Variants in ATAD2 observed in about 807,000 individuals in gnomAD.
ATAD2 encodes ATPase family AAA domain-containing protein 2.
A neutral mutation model predicts 168.9 loss-of-function variants in ATAD2; 62 were observed. The observed-to-expected ratio is 0.37, with a 90% confidence interval of 0.30 to 0.45. ATAD2 has a LOEUF of 0.45. Ranked by LOEUF, ATAD2 falls within the 20% of genes least tolerant of loss-of-function variation. The pLI is 1.00. For missense variants in ATAD2, 1,419 were observed against 1,667.8 expected, an observed-to-expected ratio of 0.85 and a Z score of 2.60; for synonymous variants, 613 against 571.6, an observed-to-expected ratio of 1.07 and a Z score of -1.03.
At chr8:123,386,148 T>C (rs2129901599) in intron 1 of ATAD2, among the ~76,000 whole-genome samples, 1 of 152,290 alleles carries the variant, frequency 6.6e-6, no homozygotes. Flanking sequence ...ACAAAATTTC[T>C]ATATGATCCA....
intron 1 of ATAD2, among the ~76,000 whole-genome samples, chr8:123,392,530 G>GT (rs1444921050): frequency 6.6e-6 from 1 of 151,736 alleles, no homozygotes; most frequent in Non-Finnish European, 1.5e-5. Context: ...TCATAAGGTT[G>GT]TAAGGACTGA....
chr8:123,358,895 G>A (rs1828727118), intron 11 of ATAD2, among the ~76,000 whole-genome samples: 1 of 151,050 alleles, frequency 6.6e-6, no homozygotes, highest in African/African-American at 2.4e-5. Flanking sequence ...GTAGAGACGG[G>A]GTTTCACCAC....
At chr8:123,355,453 A>G (rs1828611415) in intron 13 of ATAD2, among the ~76,000 whole-genome samples, 1 of 152,202 alleles carries the variant, frequency 6.6e-6, no homozygotes, top group African/African-American at 2.4e-5. Flanking sequence ...ATTTAGATTC[A>G]GGTTGGGACA....
At chr8:123,322,609 CAGTG>C (rs1318551710) in intron 27 of ATAD2, among the ~76,000 whole-genome samples, 1 of 152,150 alleles carries the variant, frequency 6.6e-6, no homozygotes, top group Non-Finnish European at 1.5e-5. Context: ...GTGGAGGCTG[CAGTG>C]AGTGAGTTGA....
chr8:123,337,453 C>T (rs995632513), intron 21 of ATAD2, among the ~76,000 whole-genome samples, 172 bp downstream of exon 21: 4 of 152,160 alleles, frequency 2.6e-5, no homozygotes, highest in South Asian at 2.1e-4. Context: ...AAGGAAAATG[C>T]GTTACCCTGC....
intron 20 of ATAD2, among the ~76,000 whole-genome samples, chr8:123,338,152 C>G (rs1047004186): frequency 6.6e-6 from 1 of 152,020 alleles, no homozygotes; most frequent in Admixed American, 6.6e-5. Context: ...GTCAGGAGAT[C>G]GAGACCACCC....
intron 22 of ATAD2, among the ~76,000 whole-genome samples, chr8:123,335,836 G>C (rs1827899325): frequency 6.6e-6 from 1 of 152,080 alleles, no homozygotes; most frequent in African/African-American, 2.4e-5. Flanking sequence ...ATAGGTGAAA[G>C]CAGAAGGGGT....
In ATAD2 at chr8:123,344,995, A is replaced by C. The variant is rs771373958; in HGVS notation, c.2607T>G (p.Val869=). The change falls in exon 19 of 28, where the codon GTT becomes GTG. Residue 869 remains valine (V), a synonymous_variant. Transcript: ENST00000287394. ...VPHIHVWWEI[V]GPTLKATFTT... Reference sequence around the variant, plus strand: ...TAAATGTGGCTTTAAGTGTCGGTCCAACTATTTCCCACCACACGTGGATAT... The same window carrying C: ...TAAATGTGGCTTTAAGTGTCGGTCCCACTATTTCCCACCACACGTGGATAT... 8.7e-6 allele frequency: 14 copies of C among 1,614,064 alleles called. No individual in the cohort carries two copies. The highest frequency in any genetic ancestry group is 2.2e-5 in the South Asian group (2 of 91,080).
At chr8:123,380,739 T>C in intron 1 of ATAD2, 62 bp from the exon 2 acceptor site, 1 of 1,534,866 alleles carries the variant, frequency 6.5e-7, no homozygotes, top group Non-Finnish European at 8.9e-7. Flanking sequence ...TTTAAATTCC[T>C]CCAAAGAGTA....
At chr8:123,369,547 C>A (rs1829077807) in intron 7 of ATAD2, among the ~76,000 whole-genome samples, 1 of 152,004 alleles carries the variant, frequency 6.6e-6, no homozygotes, top group Non-Finnish European at 1.5e-5. Context: ...TACAAACTGA[C>A]AAAATAAATT....
intron 11 of ATAD2, among the ~76,000 whole-genome samples, chr8:123,358,389 G>A (rs1184115762): frequency 1.3e-5 from 2 of 151,996 alleles, no homozygotes; most frequent in African/African-American, 4.8e-5. Flanking sequence ...GTGTCGCCCA[G>A]GCTGGACTGC....
chr8:123,337,719 A>G lies in ATAD2; in HGVS notation c.2957T>C (p.Phe986Ser). 1 of 1,613,830 alleles carries G rather than the reference A, an allele frequency of 6.2e-7. No individual in the cohort carries two copies. Among genetic ancestry groups the G allele is most frequent in the Non-Finnish European group, 8.5e-7 (1 of 1,179,904 alleles). The change falls in exon 21 of 28, where the codon TTT (phenylalanine) becomes TCT (serine). Residue 986 changes from phenylalanine (F) to serine (S), a missense_variant. This residue lies in a region of ATAD2 where 545 missense variants were observed against 724.9 expected (regional missense o/e 0.75). Transcript: ENST00000287394. Reference protein sequence around the residue: ...KRLEEQEEDTFRELRIFLRNV... With the variant: ...KRLEEQEEDTSRELRIFLRNV... Reference sequence around the variant, plus strand: ...TCTTAAGAAAATCCTCAGTTCTCTAAATGTATCTTCTTCTTGTTCTTCTAG... The same window carrying G: ...TCTTAAGAAAATCCTCAGTTCTCTAGATGTATCTTCTTCTTGTTCTTCTAG...
intron 25 of ATAD2, 84 bp from the exon 26 acceptor site, chr8:123,326,110 CAG>C: frequency 7.0e-7 from 1 of 1,430,490 alleles, no homozygotes; most frequent in Non-Finnish European, 9.5e-7. Context: ...GCAGATTAAA[CAG>C]GGCATGTTTA....
chr8:123,362,107 T>G (rs1828844081), intron 8 of ATAD2, among the ~76,000 whole-genome samples: 1 of 152,046 alleles, frequency 6.6e-6, no homozygotes, highest in Non-Finnish European at 1.5e-5. Context: ...TTCGAGCAAC[T>G]TGGCAAGATT....
intron 10 of ATAD2, 79 bp from the exon 11 acceptor site, chr8:123,359,415 T>C: frequency 3.2e-6 from 4 of 1,246,422 alleles, no homozygotes; most frequent in Non-Finnish European, 4.6e-6. Context: ...ACACAGTCAA[T>C]GAAGTAATAA....
At chr8:123,398,231 T>TC (rs1563870484), upstream of ATAD2, among the ~76,000 whole-genome samples, 2 of 145,360 alleles carry the variant, frequency 1.4e-5, no homozygotes, top group Non-Finnish European at 3.0e-5. Context: ...TTGTTCTTTT[T>TC]TTTTTTTTTT....
chr8:123,346,653 C>T lies in ATAD2; in HGVS notation c.2310G>A (p.Lys770=), dbSNP rs750548889. The change falls in exon 17 of 28, where the codon AAG becomes AAA. Residue 770 remains lysine, a synonymous_variant. Coordinates refer to ENST00000287394, the MANE Select transcript of ATAD2 (RefSeq NM_014109.4). ...GAAGAAAATTAAAATTGTCTTTTGC[C>T]TTATGAGAAGATTTCTGAGAAAGTC... ...ENGLSQKSSH[K]AKDNFNFLHL... is the part of the protein sequence containing the mutation. 8.2e-6 allele frequency: 13 copies of T among 1,581,076 alleles called. No individual in the cohort carries two copies. In the African/African-American group the frequency reaches 1.6e-4, roughly 20 times the overall value.
intron 10 of ATAD2, 70 bp from the exon 11 acceptor site, chr8:123,359,406 C>A (rs1229803491): frequency 7.9e-7 from 1 of 1,268,928 alleles, no homozygotes; most frequent in Non-Finnish European, 1.1e-6. Flanking sequence ...CCACACCATA[C>A]ACAGTCAATG....
chr8:123,396,426 G>C lies in ATAD2; in HGVS notation c.-69C>G. 1.4e-6 allele frequency: 2 copies of C among 1,403,134 alleles called. No individual in the cohort carries two copies. Among genetic ancestry groups the C allele is most frequent in the Non-Finnish European group, 1.9e-6 (2 of 1,073,562 alleles). The allele number at this position is 1,403,134 out of a possible 1,614,324, so 86.9% of individuals were successfully genotyped here. On this transcript the variant is annotated 5_prime_UTR_variant, in exon 1 of 28. Coordinates refer to ENST00000287394, the MANE Select transcript of ATAD2 (RefSeq NM_014109.4). Reference sequence around the variant, plus strand: ...CCAGCTCCAGGCGCTCGCAGCTCTGGCTCTTCCGCGCTCCGAATTCTGGCG... The same window carrying C: ...CCAGCTCCAGGCGCTCGCAGCTCTGCCTCTTCCGCGCTCCGAATTCTGGCG...
Sources: gnomAD v4.1 joint callset for allele counts (sites outside exome capture counted in the v4.1 genomes callset) on GRCh38, gnomAD v4.1.1 for gene constraint, gnomAD v4.1.1 regional missense constraint, MANE v1.5 for transcripts, NCBI Gene and HGNC (gene_info 2026-07-23, HGNC 2026-07-21) for gene names.